The following ANKS1B variants were observed in gnomAD, a reference collection of about 807,000 sequenced individuals.
ANKS1B encodes ankyrin repeat and sterile alpha motif domain containing 1B, also known as ankyrin repeat and sterile alpha motif domain-containing protein 1B.
In ANKS1B, 36 loss-of-function variants were observed where a neutral mutation model predicts 148.3. The observed-to-expected ratio is 0.24, with a 90% confidence interval of 0.19 to 0.32. The LOEUF (loss-of-function observed/expected upper bound fraction) is 0.32. Among genes scored for constraint, ANKS1B ranks in the 10% least tolerant of loss-of-function variants. ANKS1B has a pLI of 1.00. For synonymous variants in ANKS1B, 542 were observed against 560.8 expected (o/e 0.97, Z 0.47); for missense variants, 1,157 against 1,542.6 (o/e 0.75, Z 4.19).
chr12:99,825,540 C>A, intron 1 of ANKS1B, 151 bp from the exon 2 acceptor site: 1 of 594,602 alleles, frequency 1.7e-6, no homozygotes, highest in Non-Finnish European at 3.0e-6. Flanking sequence ...ATGAATTCCC[C>A]TCAGAACATC....
intron 1 of ANKS1B, among the ~76,000 whole-genome samples, chr12:99,852,658 T>C (rs2088132577): frequency 6.6e-6 from 1 of 152,192 alleles, no homozygotes; most frequent in African/African-American, 2.4e-5. Context: ...ACTCACACTG[T>C]GAACTTTTGC....
At chr12:99,198,424 A>G (rs886978430) in intron 14 of ANKS1B, among the ~76,000 whole-genome samples, 3 of 152,220 alleles carry the variant, frequency 2.0e-5, no homozygotes, top group Non-Finnish European at 4.4e-5. Context: ...GAACATGAAT[A>G]TAGCACTAGG....
chr12:99,432,880 G>A (rs958628752), intron 11 of ANKS1B, among the ~76,000 whole-genome samples: 4 of 152,068 alleles, frequency 2.6e-5, no homozygotes, highest in Non-Finnish European at 5.9e-5. Context: ...CGTGGAGAAC[G>A]GTAGGAGATG....
intron 12 of ANKS1B, among the ~76,000 whole-genome samples, chr12:99,364,444 A>C (rs1472087005): frequency 6.6e-6 from 1 of 152,208 alleles, no homozygotes; most frequent in Non-Finnish European, 1.5e-5. Flanking sequence ...AGAAAAATGT[A>C]GCAATGCTAT....
intron 12 of ANKS1B, among the ~76,000 whole-genome samples, chr12:99,254,188 A>G (rs189353215): frequency 3.9e-4 from 59 of 152,322 alleles, no homozygotes; most frequent in South Asian, 2.1e-4. Context: ...TGATGTATTA[A>G]CTTTCTGATT....
intron 8 of ANKS1B, among the ~76,000 whole-genome samples, chr12:99,667,501 G>A (rs1279573281): frequency 1.3e-5 from 2 of 151,964 alleles, no homozygotes; most frequent in Non-Finnish European, 2.9e-5. Flanking sequence ...GATATTTTAG[G>A]ATTTTCTATG....
At chr12:99,133,452 A>G (rs1295344291) in intron 15 of ANKS1B, among the ~76,000 whole-genome samples, 1 of 152,130 alleles carries the variant, frequency 6.6e-6, no homozygotes, top group East Asian at 1.9e-4. Flanking sequence ...CCTTTTAAAT[A>G]ACCTCCCTGT....
intron 12 of ANKS1B, among the ~76,000 whole-genome samples, chr12:99,250,082 A>C (rs991242732): frequency 1.2e-4 from 19 of 152,224 alleles, no homozygotes; most frequent in Non-Finnish European, 2.8e-4. Context: ...GGAGGCTGAC[A>C]AAGTGAGGGG....
chr12:98,782,416 C>T (rs1263298475), intron 22 of ANKS1B, among the ~76,000 whole-genome samples: 1 of 152,212 alleles, frequency 6.6e-6, no homozygotes, highest in Non-Finnish European at 1.5e-5. Context: ...GAACCTTCCA[C>T]TTTGAGCTTT....
chr12:99,093,756 A>C (rs1278299687), intron 15 of ANKS1B: 2 of 152,224 alleles, frequency 1.3e-5, no homozygotes, highest in Non-Finnish European at 2.9e-5. Flanking sequence ...GGTTGTCTTC[A>C]AAGAACAGAC....
chr12:98,906,367 A>G (rs556398151), intron 17 of ANKS1B, among the ~76,000 whole-genome samples: 1 of 152,300 alleles, frequency 6.6e-6, no homozygotes, highest in Non-Finnish European at 1.5e-5. Flanking sequence ...AACTCGAGGA[A>G]CCAGGATATC....
At chr12:99,239,980 C>A (rs2088920561) in intron 14 of ANKS1B, among the ~76,000 whole-genome samples, 1 of 152,142 alleles carries the variant, frequency 6.6e-6, no homozygotes, top group Non-Finnish European at 1.5e-5. Flanking sequence ...ATTGTAAAGA[C>A]CATCAACGCT....
intron 17 of ANKS1B, among the ~76,000 whole-genome samples, chr12:98,998,859 C>T (rs1281667821): frequency 6.6e-6 from 1 of 152,200 alleles, no homozygotes; most frequent in Admixed American, 6.5e-5. Flanking sequence ...TAACACTGCT[C>T]ATTTCTGGTT....
intron 15 of ANKS1B, among the ~76,000 whole-genome samples, chr12:99,112,637 T>A (rs1317399): frequency 0.076 from 11,490 of 152,130 alleles, 1,039 homozygotes; most frequent in African/African-American, 0.21. Context: ...ACCAGGTACA[T>A]AACAGATACA....
intron 9 of ANKS1B, among the ~76,000 whole-genome samples, chr12:99,644,477 A>C (rs998150705): frequency 2.6e-5 from 4 of 152,158 alleles, no homozygotes; most frequent in African/African-American, 9.7e-5. Context: ...GGTTTTCTCT[A>C]CCATATCACT....
At chr12:99,384,575 C>G (rs1593604618) in intron 12 of ANKS1B, among the ~76,000 whole-genome samples, 1 of 152,020 alleles carries the variant, frequency 6.6e-6, no homozygotes, top group Non-Finnish European at 1.5e-5. Context: ...ATTCCAAAGG[C>G]TCTTTTCTTC....
At chr12:99,445,691 T>A (rs1249326269) in intron 10 of ANKS1B, among the ~76,000 whole-genome samples, 1 of 151,850 alleles carries the variant, frequency 6.6e-6, no homozygotes, top group African/African-American at 2.4e-5. Flanking sequence ...TTCAAAAGAA[T>A]CCCTGCCCTC....
At chr12:98,807,418 T>C (rs2099059042) in intron 20 of ANKS1B, among the ~76,000 whole-genome samples, 2 of 152,106 alleles carry the variant, frequency 1.3e-5, no homozygotes, top group African/African-American at 2.4e-5. Context: ...GTGAAGCACA[T>C]GAATCTTTGA....
chr12:99,913,467 T>C (rs1173182830), intron 1 of ANKS1B, among the ~76,000 whole-genome samples: 1 of 152,182 alleles, frequency 6.6e-6, no homozygotes, highest in African/African-American at 2.4e-5. Flanking sequence ...CTAAGAAAGC[T>C]ATAAATAATA....
Sources: gnomAD v4.1 joint callset for allele counts (sites outside exome capture counted in the v4.1 genomes callset) on GRCh38, gnomAD v4.1.1 for gene constraint, MANE v1.5 for transcripts, NCBI Gene and HGNC (gene_info 2026-07-23, HGNC 2026-07-21) for gene names.